The following GABRG3 variants were observed in gnomAD, a reference collection of about 807,000 sequenced individuals.
GABRG3 encodes gamma-aminobutyric acid receptor subunit gamma-3.
A neutral mutation model predicts 48.8 loss-of-function variants in GABRG3; 25 were observed. The observed-to-expected ratio is 0.51, with a 90% confidence interval of 0.37 to 0.72. The LOEUF (loss-of-function observed/expected upper bound fraction) is 0.72. GABRG3 is among the 30% of genes least tolerant of loss of function. The pLI, the probability that GABRG3 is intolerant of heterozygous loss-of-function variation, is 0.00. For missense variants in GABRG3, 394 were observed against 577.9 expected, an observed-to-expected ratio of 0.68 and a Z score of 3.26; for synonymous variants, 227 against 217.6, an observed-to-expected ratio of 1.04 and a Z score of -0.38.
intron 9 of GABRG3, among the ~76,000 whole-genome samples, chr15:27,529,741 G>C (rs979429415): frequency 1.3e-5 from 2 of 152,036 alleles, no homozygotes; most frequent in African/African-American, 4.8e-5. Flanking sequence ...GGGGAAGGGT[G>C]CACATCATCA....
chr15:27,393,026 T>G (rs1887184076), intron 5 of GABRG3, among the ~76,000 whole-genome samples: 1 of 152,164 alleles, frequency 6.6e-6, no homozygotes, highest in Admixed American at 6.5e-5. Context: ...GAGCCCCGGT[T>G]CATTTCAGTA....
chr15:27,532,894 G>A lies in GABRG3; in HGVS notation c.*13G>A, dbSNP rs1891463177. The A allele has an allele frequency of 6.2e-7, 1 of 1,609,572 alleles. No individual in the cohort carries two copies. The highest frequency in any genetic ancestry group is 1.3e-5 in the African/African-American group (1 of 74,950). On this transcript the variant is annotated 3_prime_UTR_variant, in exon 10 of 10. Coordinates refer to ENST00000615808, the MANE Select transcript of GABRG3 (RefSeq NM_033223.5). Reference sequence around the variant, plus strand: ...CCTGTATCTCTAAGTGTTGCTCAGAGTGAAGAGTGAAGAGCATTTGGTACA... The same window carrying A: ...CCTGTATCTCTAAGTGTTGCTCAGAATGAAGAGTGAAGAGCATTTGGTACA...
intron 3 of GABRG3, among the ~76,000 whole-genome samples, chr15:27,047,570 A>G (rs1454614665): frequency 6.6e-6 from 1 of 152,242 alleles, no homozygotes; most frequent in African/African-American, 2.4e-5. Flanking sequence ...TTGTTTAGTG[A>G]ATAAGAAAGG....
At chr15:27,501,361 T>A (rs116699310) in intron 6 of GABRG3, among the ~76,000 whole-genome samples, 4,469 of 152,270 alleles carry the variant, frequency 0.029, 219 homozygotes, top group African/African-American at 0.1. Flanking sequence ...ACAGACTCTT[T>A]TCTAAGCAAG....
chr15:27,494,500 T>C (rs1890435139), intron 6 of GABRG3, among the ~76,000 whole-genome samples: 1 of 152,148 alleles, frequency 6.6e-6, no homozygotes, highest in South Asian at 2.1e-4. Flanking sequence ...AATTCTAAAA[T>C]TATGAATTCA....
chr15:27,296,041 C>G (rs1053133088), intron 3 of GABRG3, among the ~76,000 whole-genome samples: 15 of 152,114 alleles, frequency 9.9e-5, no homozygotes, highest in African/African-American at 3.6e-4. Flanking sequence ...CTTGGTCTTC[C>G]GTGCCAGGAG....
intron 3 of GABRG3, among the ~76,000 whole-genome samples, chr15:27,201,492 T>G (rs1595582256): frequency 1.4e-5 from 2 of 139,776 alleles, no homozygotes; most frequent in South Asian, 2.3e-4. Context: ...CAGAGGGAAA[T>G]AGGGGAGGGA....
chr15:27,441,478 C>T (rs1888782291), intron 5 of GABRG3, among the ~76,000 whole-genome samples: 1 of 152,126 alleles, frequency 6.6e-6, no homozygotes. Context: ...CCTGAATCTC[C>T]CACTGCAGAG....
At chr15:27,256,037 A>G (rs1014895450) in intron 3 of GABRG3, among the ~76,000 whole-genome samples, 6 of 152,088 alleles carry the variant, frequency 3.9e-5, no homozygotes, top group Non-Finnish European at 8.8e-5. Flanking sequence ...TGATTGAGTT[A>G]TGGATTTTGG....
chr15:27,371,205 C>T (rs995610454), intron 5 of GABRG3, among the ~76,000 whole-genome samples: 6 of 152,092 alleles, frequency 3.9e-5, no homozygotes, highest in African/African-American at 1.4e-4. Context: ...AACATGTTTG[C>T]TCCCCAACTA....
chr15:27,213,007 T>A (rs1190415162), intron 3 of GABRG3, among the ~76,000 whole-genome samples: 1 of 152,216 alleles, frequency 6.6e-6, no homozygotes, highest in Non-Finnish European at 1.5e-5. Flanking sequence ...CTCCTGGCCA[T>A]TCATACTTTA....
At chr15:27,241,069 C>T (rs1489379523) in intron 3 of GABRG3, among the ~76,000 whole-genome samples, 2 of 152,214 alleles carry the variant, frequency 1.3e-5, no homozygotes, top group Non-Finnish European at 2.9e-5. Flanking sequence ...TTATCTCAAG[C>T]ATCCATAGGA....
intron 5 of GABRG3, among the ~76,000 whole-genome samples, chr15:27,473,663 T>C (rs1395870471): frequency 1.3e-5 from 2 of 152,240 alleles, no homozygotes; most frequent in African/African-American, 4.8e-5. Context: ...ATTTTTATCA[T>C]AGGTTGATAA....
intron 5 of GABRG3, among the ~76,000 whole-genome samples, chr15:27,381,599 A>G (rs898250173): frequency 9.9e-5 from 15 of 152,110 alleles, no homozygotes; most frequent in African/African-American, 3.6e-4. Context: ...GTATCCACCT[A>G]TCTGTCTCTC....
chr15:27,411,599 G>A (rs1293175329), intron 5 of GABRG3, among the ~76,000 whole-genome samples: 1 of 152,142 alleles, frequency 6.6e-6, no homozygotes, highest in Non-Finnish European at 1.5e-5. Context: ...TGTTGCTACT[G>A]TTACCAGTAT....
At chr15:27,370,773 C>T (rs1213185740) in intron 5 of GABRG3, among the ~76,000 whole-genome samples, 1 of 152,196 alleles carries the variant, frequency 6.6e-6, no homozygotes, top group Non-Finnish European at 1.5e-5. Flanking sequence ...CTGGCACATT[C>T]CTCTCTTGCT....
chr15:27,270,113 A>C (rs1312896805), intron 3 of GABRG3, among the ~76,000 whole-genome samples: 1 of 152,180 alleles, frequency 6.6e-6, no homozygotes, highest in African/African-American at 2.4e-5. Context: ...ATAGAATCCA[A>C]AATAGCAGGG....
At chr15:27,153,693 A>G (rs189207395) in intron 3 of GABRG3, among the ~76,000 whole-genome samples, 191 of 152,186 alleles carry the variant, frequency 1.3e-3, no homozygotes, top group Non-Finnish European at 2.1e-3. Context: ...CTCAACGTAT[A>G]TATTTTTTCT....
rs776234899 is a variant in GABRG3, at chr15:27,527,992, C to T, written c.1122C>T (p.Ser374=). ...IPERISLQAP[S]NYSLLDMRPP... is the part of the protein sequence containing the mutation. ...AGCGAATAAGCCTACAAGCCCCTTC[C>T]GTACGTATAGCATTGCAGGTGCCAA... Residue 374 remains serine, a splice_region_variant and synonymous_variant, in exon 9 of 10, where the codon TCC becomes TCT. Transcript: ENST00000615808. 1.2e-5 allele frequency: 19 copies of T among 1,593,570 alleles called. No individual in the cohort carries two copies. Among genetic ancestry groups the T allele is most frequent in the African/African-American group, 1.1e-4 (8 of 74,652 alleles).
Sources: allele counts gnomAD v4.1 joint callset (sites outside exome capture counted in the v4.1 genomes callset), GRCh38; gene constraint gnomAD v4.1.1; transcripts MANE v1.5; gene names NCBI Gene and HGNC (gene_info 2026-07-23, HGNC 2026-07-21).